ADARB2: variants seen among roughly 807,000 people sequenced by gnomAD.
ADARB2 encodes the protein inactive double-stranded RNA-specific editase B2.
Under a neutral mutation model 62.2 loss-of-function variants are expected in ADARB2, and 25 were observed. That is an observed-to-expected ratio of 0.40 (90% CI 0.29 to 0.56). The LOEUF (loss-of-function observed/expected upper bound fraction) is 0.56, where lower values mean the gene tolerates loss of function less well. Ranked by LOEUF, ADARB2 falls within the 20% of genes least tolerant of loss-of-function variation. ADARB2 has a pLI of 0.43. For missense variants in ADARB2, 1,071 were observed against 1,077.4 expected, an observed-to-expected ratio of 0.99 and a Z score of 0.08; for synonymous variants, 572 against 500.8, an observed-to-expected ratio of 1.14 and a Z score of -1.90.
At position 1,331,112 on chromosome 10, in the gene ADARB2, A is replaced by C. The variant is rs192342689; in HGVS notation, c.1077+31916T>G. On this transcript the variant is annotated intron_variant, in intron 3 of 9. Transcript: ENST00000381312. ...ACCCACTAGGATGGCTACAATCAGA[A>C]AGATAATAACAAGTGTTGACAAGGA... Among the ~76,000 whole-genome samples, 506 of 152,338 alleles carry C rather than the reference A, an allele frequency of 3.3e-3. 3 individuals are homozygous for C. The highest frequency in any genetic ancestry group is 0.012 in the African/African-American group (482 of 41,582).
At chr10:1,467,964 A>G (rs1266445799) in intron 1 of ADARB2, among the ~76,000 whole-genome samples, 1 of 152,158 alleles carries the variant, frequency 6.6e-6, no homozygotes, top group Non-Finnish European at 1.5e-5. Context: ...CAGGGATTGA[A>G]ACGTTCTTCC....
chr10:1,614,187 A>C (rs1288773770), intron 1 of ADARB2, among the ~76,000 whole-genome samples: 2 of 152,248 alleles, frequency 1.3e-5, no homozygotes, highest in African/African-American at 2.4e-5. Context: ...GATGTCATCA[A>C]CTTAACATGG....
At position 1,720,451 on chromosome 10, in the gene ADARB2, A is replaced by C. The variant is rs577840649; in HGVS notation, c.100+16600T>G. Among the ~76,000 whole-genome samples the C allele has an allele frequency of 1.4e-4, 22 of 152,312 alleles. No individual in the cohort carries two copies. In the South Asian group the frequency reaches 3.9e-3, roughly 27 times the overall value. On this transcript the variant is annotated intron_variant, in intron 1 of 9. Coordinates refer to ENST00000381312, the MANE Select transcript of ADARB2 (RefSeq NM_018702.4). ...CCCTGGCTGAGAAGATCCTATACCAAACCTCAGCGACACCCAATTTATTCA... is the reference window on the plus strand; with the variant it reads ...CCCTGGCTGAGAAGATCCTATACCACACCTCAGCGACACCCAATTTATTCA...
At chr10:1,647,108 C>T (rs186917393) in intron 1 of ADARB2, among the ~76,000 whole-genome samples, 1 of 152,342 alleles carries the variant, frequency 6.6e-6, no homozygotes, top group East Asian at 1.9e-4. Context: ...GCTCTGGAGG[C>T]ATAATTTAAA....
At position 1,704,745 on chromosome 10, in the gene ADARB2, G is replaced by A. The variant is rs1191182314; in HGVS notation, c.100+32306C>T. Among the ~76,000 whole-genome samples, 3 of 152,184 alleles carry A rather than the reference G, an allele frequency of 2.0e-5. No individual in the cohort carries two copies. The highest frequency in any genetic ancestry group is 4.4e-5 in the Non-Finnish European group (3 of 68,042). On this transcript the variant is annotated intron_variant, in intron 1 of 9. Coordinates refer to ENST00000381312, the MANE Select transcript of ADARB2 (RefSeq NM_018702.4). This position sits in a 1 kb window ranked among gnomAD's most constrained non-coding sequence, Gnocchi z 5.6. ...TATTACAAAGAATAAATCTGATAGG[G>A]TCTCAGAGAGCCTGGAAGCACAGAA...
At chr10:1,296,177 C>A (rs750194929) in intron 3 of ADARB2, among the ~76,000 whole-genome samples, 3 of 152,238 alleles carry the variant, frequency 2.0e-5, no homozygotes, top group South Asian at 4.1e-4. Context: ...TCCAGTCCCA[C>A]TGGCCTAAGC....
intron 1 of ADARB2, among the ~76,000 whole-genome samples, chr10:1,602,230 C>T (rs1181079021): frequency 6.6e-6 from 1 of 152,212 alleles, no homozygotes; most frequent in African/African-American, 2.4e-5. Flanking sequence ...TGAATGCACA[C>T]CACGGGTGGT....
chr10:1,686,378 C>G (rs1268740831), intron 1 of ADARB2, among the ~76,000 whole-genome samples: 1 of 152,180 alleles, frequency 6.6e-6, no homozygotes, highest in Admixed American at 6.5e-5. Flanking sequence ...GAGTGAGAAC[C>G]AAATAGGTTT....
At chr10:1,332,476 G>GTTTTTTTTTTTTTTTTTTT (rs759566790) in intron 3 of ADARB2, among the ~76,000 whole-genome samples, 1 of 130,372 alleles carries the variant, frequency 7.7e-6, no homozygotes, top group Non-Finnish European at 1.6e-5. Context: ...ACTAGCATCA[G>GTTTTTTTTTTTTTTTTTTT]TTTTGTTTTT....
At chr10:1,345,204 T>C (rs1832069672) in intron 3 of ADARB2, among the ~76,000 whole-genome samples, 1 of 151,908 alleles carries the variant, frequency 6.6e-6, no homozygotes, top group South Asian at 2.1e-4. Context: ...TCACGAGGCC[T>C]CGTCAGACCC....
At chr10:1,619,204 C>T (rs1240102284) in intron 1 of ADARB2, among the ~76,000 whole-genome samples, 1 of 149,836 alleles carries the variant, frequency 6.7e-6, no homozygotes, top group Non-Finnish European at 1.5e-5. Context: ...GAGCAGAGAT[C>T]ATCAGATTAG....
At chr10:1,590,238 C>T (rs996641256) in intron 1 of ADARB2, among the ~76,000 whole-genome samples, 1 of 152,186 alleles carries the variant, frequency 6.6e-6, no homozygotes, top group African/African-American at 2.4e-5. Flanking sequence ...GGTTGTGGCA[C>T]CCAGCCCATT....
chr10:1,544,222 T>G (rs1832484764), intron 1 of ADARB2, among the ~76,000 whole-genome samples: 1 of 152,178 alleles, frequency 6.6e-6, no homozygotes, highest in African/African-American at 2.4e-5. Flanking sequence ...GGGATGAGCC[T>G]GGCCTGGGGC....
chr10:1,365,837 C>A (rs1324205359), intron 2 of ADARB2, among the ~76,000 whole-genome samples: 1 of 152,168 alleles, frequency 6.6e-6, no homozygotes, highest in East Asian at 1.9e-4. Flanking sequence ...TTTCACAAAA[C>A]TGAAAACTTT....
chr10:1,261,458 A>T (rs1326858513), intron 4 of ADARB2, among the ~76,000 whole-genome samples: 1 of 150,074 alleles, frequency 6.7e-6, no homozygotes, highest in Admixed American at 6.6e-5. Context: ...AATTTACAAG[A>T]AAAAAACAAC....
intron 1 of ADARB2, among the ~76,000 whole-genome samples, chr10:1,495,766 TGTTATC>T (rs1831680602): frequency 7.0e-6 from 1 of 142,928 alleles, no homozygotes; most frequent in Non-Finnish European, 1.6e-5. Flanking sequence ...TCATTATCAT[TGTTATC>T]ATCATCATCA....
At chr10:1,487,463 T>C (rs575695414) in intron 1 of ADARB2, among the ~76,000 whole-genome samples, 2 of 152,218 alleles carry the variant, frequency 1.3e-5, no homozygotes, top group Non-Finnish European at 2.9e-5. Flanking sequence ...TGCCTGCTGC[T>C]GAGTGGAGAC....
Position 1,704,276 on chromosome 10 carries a change from T to C in ADARB2, c.100+32775A>G, listed in dbSNP as rs751652281. Among the ~76,000 whole-genome samples, 2 of 152,204 alleles carry C rather than the reference T, an allele frequency of 1.3e-5. No individual in the cohort carries two copies. Among genetic ancestry groups the C allele is most frequent in the Non-Finnish European group, 2.9e-5 (2 of 68,038 alleles). On this transcript the variant is annotated intron_variant, in intron 1 of 9. Transcript: ENST00000381312. This position sits in a 1 kb window ranked among gnomAD's most constrained non-coding sequence, Gnocchi z 5.6. Reference sequence around the variant, plus strand: ...TTTCTATTAATATTACATTGTAATATATAATGAAATAATTATATAACTCAG... The same window carrying C: ...TTTCTATTAATATTACATTGTAATACATAATGAAATAATTATATAACTCAG...
At chr10:1,287,965 A>G (rs1264781191) in intron 3 of ADARB2, among the ~76,000 whole-genome samples, 1 of 152,188 alleles carries the variant, frequency 6.6e-6, no homozygotes, top group Non-Finnish European at 1.5e-5. Flanking sequence ...AAGGACAAGG[A>G]CTCAGTGTCA....
Sources: gnomAD v4.1 joint callset for allele counts (sites outside exome capture counted in the v4.1 genomes callset) on GRCh38, gnomAD v4.1.1 for gene constraint, Gnocchi (gnomAD v3.1) non-coding constraint, MANE v1.5 for transcripts, NCBI Gene and HGNC (gene_info 2026-07-23, HGNC 2026-07-21) for gene names.